The following ANKRD6 variants were observed in gnomAD, a reference collection of about 807,000 sequenced individuals.
ANKRD6 encodes the protein ankyrin repeat domain-containing protein 6.
ANKRD6 carries 56 observed loss-of-function variants against 82.3 expected under a neutral mutation model. The ratio of observed to expected loss-of-function variants is 0.68; its 90% CI spans 0.55 to 0.85. ANKRD6 has a LOEUF of 0.85. Among genes scored for constraint, ANKRD6 ranks in the 40% least tolerant of loss-of-function variants. ANKRD6 has a pLI of 0.00. For synonymous variants in ANKRD6, 347 were observed against 352.1 expected (o/e 0.99, Z 0.16); for missense variants, 852 against 907.6 (o/e 0.94, Z 0.79).
chr6:89,550,820 G>GAC (rs1785742927), intron 1 of ANKRD6, among the ~76,000 whole-genome samples: 1 of 152,124 alleles, frequency 6.6e-6, no homozygotes. Context: ...GCAGGGCATG[G>GAC]TGGCGGGCGC....
In ANKRD6 at chr6:89,622,018, C is replaced by T. The variant is rs1223867628; in HGVS notation, c.889C>T (p.Gln297Ter). Residue 297 changes from glutamine (Q) to a stop codon, truncating the protein, a stop_gained, in exon 10 of 16, where the codon CAA becomes TAA. Transcript: ENST00000339746. LOFTEE classifies it high-confidence loss of function. ...AQSVPRDEVA[Q>*]SKGSVSAGDT... The stretch of plus-strand genomic sequence containing the variant: ...GTCTGTGCCAAGAGATGAGGTGGCC[C>T]AAAGCAAGGTGGGGGGCAGTCCTCC... 1.2e-6 allele frequency: 2 copies of T among 1,612,006 alleles called. No homozygotes were observed. Among genetic ancestry groups the T allele is most frequent in the Admixed American group, 3.3e-5 (2 of 60,008 alleles).
At chr6:89,550,313 T>G (rs748707872) in intron 1 of ANKRD6, among the ~76,000 whole-genome samples, 9 of 152,104 alleles carry the variant, frequency 5.9e-5, no homozygotes, top group Non-Finnish European at 1.0e-4. Context: ...AATGGATAAA[T>G]GAGCTATAAT....
intron 1 of ANKRD6, among the ~76,000 whole-genome samples, chr6:89,470,895 AT>A (rs1014963302): frequency 1.3e-5 from 2 of 152,004 alleles, no homozygotes; most frequent in African/African-American, 4.8e-5. Context: ...TTGTGAGTGG[AT>A]TTTTCACTAC....
intron 1 of ANKRD6, among the ~76,000 whole-genome samples, chr6:89,495,800 G>T (rs1447690437): frequency 2.0e-5 from 3 of 152,088 alleles, no homozygotes; most frequent in Non-Finnish European, 2.9e-5. Flanking sequence ...GCCCTTTGCT[G>T]CATGCTGTCT....
chr6:89,558,981 G>A (rs1032600240), intron 1 of ANKRD6, among the ~76,000 whole-genome samples: 6 of 152,292 alleles, frequency 3.9e-5, no homozygotes, highest in East Asian at 1.9e-4. Flanking sequence ...AGAGAAAGCC[G>A]TGCATATACA....
At position 89,633,746 on chromosome 6, in the gene ANKRD6, TA is replaced by T. The variant is rs1289718965; in HGVS notation, c.*2743del. 1.3e-5 allele frequency: 2 copies of T among 152,262 alleles called. No homozygotes were observed. Among genetic ancestry groups the T allele is most frequent in the Non-Finnish European group, 2.9e-5 (2 of 68,048 alleles). 9.4% of individuals were successfully genotyped at this position (152,262 alleles called of 1,614,324 possible). On this transcript the variant is annotated 3_prime_UTR_variant, in exon 16 of 16. Coordinates refer to ENST00000339746, the MANE Select transcript of ANKRD6 (RefSeq NM_001242809.2). ...GGCATGTTATGTGTCTTCTAATTAA[TA>T]TTTTTATCACCTTGAATTTGTGTCT...
intron 1 of ANKRD6, among the ~76,000 whole-genome samples, chr6:89,471,442 C>T (rs1453199501): frequency 6.6e-6 from 1 of 151,384 alleles, no homozygotes; most frequent in Non-Finnish European, 1.5e-5. Flanking sequence ...TCATTGAAGC[C>T]ACGAGACTGG....
chr6:89,598,110 A>G (rs368226632), intron 3 of ANKRD6: 4 of 985,414 alleles, frequency 4.1e-6, no homozygotes, highest in Non-Finnish European at 4.8e-6. Context: ...TCTTTATGGC[A>G]TGGTAAGAAC....
intron 15 of ANKRD6, 161 bp downstream of exon 15, chr6:89,629,399 A>G (rs1806807534): frequency 2.1e-6 from 2 of 952,290 alleles, no homozygotes; most frequent in Admixed American, 2.0e-5. Flanking sequence ...TCGTAACCAT[A>G]TACTCAGTTG....
At chr6:89,485,363 T>G (rs1777247525) in intron 1 of ANKRD6, among the ~76,000 whole-genome samples, 1 of 152,220 alleles carries the variant, frequency 6.6e-6, no homozygotes, top group Non-Finnish European at 1.5e-5. Flanking sequence ...ATTCAGAGCT[T>G]TGTTGCTGGG....
chr6:89,538,538 C>T (rs1391470708), intron 1 of ANKRD6, among the ~76,000 whole-genome samples: 1 of 152,152 alleles, frequency 6.6e-6, no homozygotes, highest in Non-Finnish European at 1.5e-5. Context: ...ATACTGTTTC[C>T]TTCAAGAATA....
chr6:89,626,646 G>T (rs1805798813), intron 13 of ANKRD6, among the ~76,000 whole-genome samples: 1 of 152,224 alleles, frequency 6.6e-6, no homozygotes, highest in African/African-American at 2.4e-5. Flanking sequence ...CCTGACAGGA[G>T]GGGAGCTCAC....
At chr6:89,607,541 A>C (rs1462055911) in intron 5 of ANKRD6, among the ~76,000 whole-genome samples, 1 of 152,224 alleles carries the variant, frequency 6.6e-6, no homozygotes, top group Non-Finnish European at 1.5e-5. Context: ...ATATCATCAG[A>C]ATATTAACAG....
At chr6:89,450,177 A>C (rs1772631675) in intron 1 of ANKRD6, among the ~76,000 whole-genome samples, 1 of 152,098 alleles carries the variant, frequency 6.6e-6, no homozygotes, top group Non-Finnish European at 1.5e-5. Flanking sequence ...TCTCTACTAA[A>C]AATACAAAAA....
intron 1 of ANKRD6, among the ~76,000 whole-genome samples, chr6:89,475,713 C>T (rs1213272960): frequency 1.3e-5 from 2 of 152,194 alleles, no homozygotes; most frequent in Admixed American, 6.5e-5. Flanking sequence ...TGGATTTGTA[C>T]ATGTGTGGCA....
At chr6:89,613,646 G>C in intron 6 of ANKRD6, 146 bp from the exon 7 acceptor site, 1 of 730,930 alleles carries the variant, frequency 1.4e-6, no homozygotes, top group Non-Finnish European at 2.2e-6. Flanking sequence ...GCCTTGGGGT[G>C]GAGCATCTAT....
rs369693468 is a variant in ANKRD6, at chr6:89,514,010, C to T, written c.-143-52824C>T. Among the ~76,000 whole-genome samples, 68 of 152,342 alleles carry T rather than the reference C, an allele frequency of 4.5e-4. No homozygotes were observed. The South Asian group carries it at 0.011, about 25-fold the overall frequency. ...AACCTTACATCAAGCTTGTCTCACC[C>T]GTGGCCAGTGGGCTGCCATATGGCC... On this transcript the variant is annotated intron_variant, in intron 1 of 15. Coordinates refer to ENST00000339746, the MANE Select transcript of ANKRD6 (RefSeq NM_001242809.2).
chr6:89,450,277 T>TG (rs1364945585), intron 1 of ANKRD6, among the ~76,000 whole-genome samples: 1 of 151,430 alleles, frequency 6.6e-6, no homozygotes, highest in African/African-American at 2.4e-5. Context: ...GTGCAGGTTG[T>TG]GGTGAGCCTC....
At chr6:89,435,888 T>C (rs1048321976) in intron 1 of ANKRD6, among the ~76,000 whole-genome samples, 1 of 152,218 alleles carries the variant, frequency 6.6e-6, no homozygotes, top group African/African-American at 2.4e-5. Flanking sequence ...GATATGTTTG[T>C]GTTATTGTCT....
Sources: gnomAD v4.1 joint callset for allele counts (sites outside exome capture counted in the v4.1 genomes callset) on GRCh38, gnomAD v4.1.1 for gene constraint, MANE v1.5 for transcripts, NCBI Gene and HGNC (gene_info 2026-07-23, HGNC 2026-07-21) for gene names.